The following ST7L variants were observed in gnomAD, a reference collection of about 807,000 sequenced individuals.
ST7L encodes the protein suppression of tumorigenicity 7 like.
In ST7L, 57 loss-of-function variants were observed where a neutral mutation model predicts 72.5. That is an observed-to-expected ratio of 0.79 (90% CI 0.64 to 0.98). The LOEUF (loss-of-function observed/expected upper bound fraction) is 0.98. ST7L is among the 50% of genes least tolerant of loss of function. ST7L has a pLI of 0.00. For synonymous variants in ST7L, 221 were observed against 240.9 expected (o/e 0.92, Z 0.77); for missense variants, 576 against 672.2 (o/e 0.86, Z 1.58).
intron 11 of ST7L, among the ~76,000 whole-genome samples, chr1:112,559,148 G>A (rs1335502808): frequency 2.0e-5 from 3 of 152,066 alleles, no homozygotes; most frequent in Non-Finnish European, 4.4e-5. Flanking sequence ...TAGTATATTC[G>A]TAACCATTTA....
At chr1:112,526,522 C>G (rs1035272489) in intron 14 of ST7L, 2 of 157,660 alleles carry the variant, frequency 1.3e-5, no homozygotes, top group African/African-American at 4.8e-5. Context: ...GGGCAGATCA[C>G]GAGGTCAGGA....
chr1:112,540,850 T>C lies in ST7L; in HGVS notation c.1629+1101A>G, dbSNP rs767637562. On this transcript the variant is annotated intron_variant, in intron 14 of 14. Transcript: ENST00000358039. ...GGAATATAATTAATCAGCATTTTCTTTTTGGGTTTTAACTCCTACTACCTG... is the reference window on the plus strand; with the variant it reads ...GGAATATAATTAATCAGCATTTTCTCTTTGGGTTTTAACTCCTACTACCTG... The C allele has an allele frequency of 1.4e-4, 176 of 1,289,072 alleles. No individual in the cohort carries two copies. In the African/African-American group the frequency reaches 2.1e-3, roughly 15 times the overall value. The allele number at this position is 1,289,072 out of a possible 1,614,324, so 79.9% of individuals were successfully genotyped here.
intron 14 of ST7L, chr1:112,540,813 T>A: frequency 7.8e-7 from 1 of 1,288,814 alleles, no homozygotes; most frequent in Non-Finnish European, 1.0e-6. Context: ...GTTCTCAGTG[T>A]TTTCATTTTT....
intron 1 of ST7L, among the ~76,000 whole-genome samples, chr1:112,617,733 A>T (rs1020297700): frequency 2.0e-5 from 3 of 151,682 alleles, no homozygotes; most frequent in African/African-American, 4.8e-5. Flanking sequence ...ACACACACAC[A>T]CACACACACA....
chr1:112,569,509 T>C lies in ST7L; in HGVS notation c.1245+7477A>G, dbSNP rs1661687984. 3.3e-5 allele frequency among the ~76,000 whole-genome samples: 5 copies of C among 152,176 alleles called. No homozygotes were observed. The South Asian group carries it at 1.0e-3, about 32-fold the overall frequency. On this transcript the variant is annotated intron_variant, in intron 11 of 14. Coordinates refer to ENST00000358039, the MANE Select transcript of ST7L (RefSeq NM_017744.5). The stretch of plus-strand genomic sequence containing the variant: ...CAAATGCATAAAGACAGAAAGTAGA[T>C]TAGTGGTTGTGAGGGACTGGGGGGT...
At chr1:112,595,507 A>G (rs1369623556) in intron 5 of ST7L, among the ~76,000 whole-genome samples, 1 of 151,886 alleles carries the variant, frequency 6.6e-6, no homozygotes, top group Non-Finnish European at 1.5e-5. Context: ...TGCAGCCCCA[A>G]CCTTCTAGGC....
At chr1:112,545,281 G>A (rs115694657) in intron 13 of ST7L, among the ~76,000 whole-genome samples, 3,055 of 151,934 alleles carry the variant, frequency 0.02, 101 homozygotes, top group African/African-American at 0.069. Context: ...GGCTTGCCAA[G>A]AATAAACTGT....
At chr1:112,600,099 G>A (rs1667165434) in intron 4 of ST7L, among the ~76,000 whole-genome samples, 1 of 152,002 alleles carries the variant, frequency 6.6e-6, no homozygotes, top group Non-Finnish European at 1.5e-5. Flanking sequence ...GGAGTGCAAT[G>A]GCGTCATCTC....
chr1:112,615,189 T>A (rs945042455), intron 2 of ST7L, among the ~76,000 whole-genome samples: 6 of 151,528 alleles, frequency 4.0e-5, no homozygotes, highest in Admixed American at 2.6e-4. Context: ...AGAGACAGGG[T>A]TTTTCCATGT....
chr1:112,534,412 T>G (rs797014580), intron 14 of ST7L, among the ~76,000 whole-genome samples: 20 of 152,332 alleles, frequency 1.3e-4, no homozygotes, highest in African/African-American at 4.8e-4. Flanking sequence ...ATCTATAATG[T>G]TCCCATGGTT....
rs1653118632 is a variant in ST7L at position 112,524,506 on chromosome 1, A to AGTTCTCT, written c.*1506_*1507insAGAGAAC. The stretch of plus-strand genomic sequence containing the variant: ...GGTGCCAGACACAGAGTTCTCCGTA[A>AGTTCTCT]GCAATCCTGCAGAGCCGCCCCCTGG... On this transcript the variant is annotated 3_prime_UTR_variant, in exon 15 of 15. Transcript: ENST00000358039. 6.5e-6 allele frequency: 1 copy of AGTTCTCT among 152,746 alleles called. No individual in the cohort carries two copies. The highest frequency in any genetic ancestry group is 1.5e-5 in the Non-Finnish European group (1 of 68,192). The allele number at this position is 152,746 out of a possible 1,614,324, so 9.5% of individuals were successfully genotyped here. A position where few individuals can be genotyped will look rare whatever the true frequency, so the allele number is the denominator to read the frequency against.
intron 11 of ST7L, among the ~76,000 whole-genome samples, chr1:112,567,613 A>G (rs910989859): frequency 1.3e-5 from 2 of 152,262 alleles, no homozygotes; most frequent in Middle Eastern, 3.4e-3. Context: ...ACACATTTCA[A>G]ATTAATTTTT....
chr1:112,617,735 A>T (rs969343571), intron 1 of ST7L, among the ~76,000 whole-genome samples: 3 of 151,748 alleles, frequency 2.0e-5, no homozygotes, highest in Non-Finnish European at 2.9e-5. Flanking sequence ...ACACACACAC[A>T]CACACACACA....
At chr1:112,583,859 G>T in intron 7 of ST7L, 113 bp downstream of exon 7, 1 of 1,231,698 alleles carries the variant, frequency 8.1e-7, no homozygotes, top group Non-Finnish European at 1.1e-6. Context: ...GTTATTTCCA[G>T]TGAAAATTAA....
At chr1:112,617,897 C>G in intron 1 of ST7L, 1 of 883,778 alleles carries the variant, frequency 1.1e-6, no homozygotes, top group South Asian at 1.6e-5. Flanking sequence ...TCACCTGTTA[C>G]AGAGATGCCA....
In ST7L at chr1:112,525,952, T is replaced by C. The variant is rs1407574575; in HGVS notation, c.*61A>G. Reference sequence around the variant, plus strand: ...CTGTGAGGTAGGGGTTACTGTCACTTTACAGATGCTGTTCAGAAAAATTTG... The same window carrying C: ...CTGTGAGGTAGGGGTTACTGTCACTCTACAGATGCTGTTCAGAAAAATTTG... On this transcript the variant is annotated 3_prime_UTR_variant, in exon 15 of 15. Coordinates refer to ENST00000358039, the MANE Select transcript of ST7L (RefSeq NM_017744.5). 2.5e-6 allele frequency: 4 copies of C among 1,606,902 alleles called. No individual in the cohort carries two copies. In the African/African-American group the frequency reaches 5.3e-5, roughly 21 times the overall value.
intron 3 of ST7L, among the ~76,000 whole-genome samples, chr1:112,604,801 AAAG>A (rs1667951164): frequency 1.4e-5 from 2 of 148,038 alleles, no homozygotes; most frequent in Non-Finnish European, 1.5e-5. Flanking sequence ...AAAAAAAAAA[AAAG>A]ACTGGGCGTG....
At chr1:112,619,676 G>T, upstream of ST7L, 1 of 592,648 alleles carries the variant, frequency 1.7e-6, no homozygotes, top group Non-Finnish European at 3.0e-6. Flanking sequence ...GGGCGCGGGC[G>T]CGGGCGCTGG....
chr1:112,555,783 CCAGA>C, intron 12 of ST7L, 81 bp downstream of exon 12: 2 of 1,265,208 alleles, frequency 1.6e-6, no homozygotes, highest in South Asian at 2.5e-5. Context: ...TTATGGAAAC[CCAGA>C]CAATCTCATT....
Sources: gnomAD v4.1 joint callset for allele counts (sites outside exome capture counted in the v4.1 genomes callset) on GRCh38, gnomAD v4.1.1 for gene constraint, MANE v1.5 for transcripts, NCBI Gene and HGNC (gene_info 2026-07-23, HGNC 2026-07-21) for gene names.